The following MEG3 variants were observed in gnomAD, a reference collection of about 807,000 sequenced individuals.
MEG3 encodes the protein maternally expressed 3.
At chr14:100,835,036 A>C (rs1471885554) in exon 1 of MEG3, 3 of 350,288 alleles carry the variant, frequency 8.6e-6, no homozygotes, top group African/African-American at 4.3e-5. Context: ...CTGTGTCCCC[A>C]GGAGGGCGGG....
At chr14:100,858,642 C>G (rs116943482) in exon 1 of MEG3, 2 of 152,980 alleles carry the variant, frequency 1.3e-5, no homozygotes, top group Non-Finnish European at 2.9e-5. Flanking sequence ...TGAGCTTTAC[C>G]GTGAGGTCTG....
chr14:100,846,579 C>G (rs1034909701), intron 3 of MEG3: 2 of 152,208 alleles, frequency 1.3e-5, no homozygotes, highest in Non-Finnish European at 2.9e-5. Context: ...GGTTGTTTCA[C>G]TGGTATCTAT....
At chr14:100,836,267 C>T (rs1394795213) in exon 2 of MEG3, 2 of 456,500 alleles carry the variant, frequency 4.4e-6, no homozygotes, top group East Asian at 1.4e-4. Flanking sequence ...AAGTCTTCTT[C>T]CTGGCGGGCC....
exon 1 of MEG3, chr14:100,835,763 C>A (rs545901071): frequency 7.3e-4 from 130 of 178,246 alleles, no homozygotes; most frequent in Admixed American, 5.0e-3. Flanking sequence ...CGACAAGCCC[C>A]TGCTGGTGTC....
chr14:100,844,520 G>A (rs2037855557), intron 2 of MEG3, among the ~76,000 whole-genome samples: 1 of 152,178 alleles, frequency 6.6e-6, no homozygotes, highest in Non-Finnish European at 1.5e-5. Flanking sequence ...TGGTGGGAAA[G>A]TACAGAGAAT....
At chr14:100,859,626 G>C (rs1241801020) in exon 1 of MEG3, 1 of 152,150 alleles carries the variant, frequency 6.6e-6, no homozygotes, top group East Asian at 1.9e-4. Flanking sequence ...TGCCAGGTTC[G>C]GGACGCAGCT....
At chr14:100,850,504 G>C in intron 3 of MEG3, 1 of 152,036 alleles carries the variant, frequency 6.6e-6, no homozygotes, top group South Asian at 2.1e-4. Flanking sequence ...GAGGCTGAGA[G>C]AGGAGAATTG....
At position 100,838,627 on chromosome 14, in the gene MEG3, G is replaced by A. The variant is rs75926784; in HGVS notation, n.3045+2327G>A. ...CCACAGAGGACCCTGTCACATCAGC[G>A]GAGGGCGGTGAGGGGTCTCTGGCCA... is the stretch of plus-strand genomic sequence containing the variant. On this transcript the variant is annotated intron_variant and non_coding_transcript_variant, in intron 2 of 3. Transcript: ENST00000398461. 1.4e-3 allele frequency among the ~76,000 whole-genome samples: 217 copies of A among 152,266 alleles called. 2 individuals are homozygous for A. Among genetic ancestry groups the A allele is most frequent in the South Asian group, 5.8e-3 (28 of 4,814 alleles).
chr14:100,838,913 A>AC (rs776971138), intron 2 of MEG3, among the ~76,000 whole-genome samples: 3 of 152,024 alleles, frequency 2.0e-5, no homozygotes, highest in Non-Finnish European at 4.4e-5. Context: ...AGGGCCCCTG[A>AC]CCTCATGCCT....
At chr14:100,854,578 T>C (rs192019037), upstream of MEG3, 2 of 152,404 alleles carry the variant, frequency 1.3e-5, no homozygotes, top group African/African-American at 4.8e-5. Context: ...AGGCTGGACC[T>C]CCTGGGTGTG....
upstream of MEG3, chr14:100,853,287 A>G (rs2038142152): frequency 6.6e-6 from 1 of 152,152 alleles, no homozygotes; most frequent in African/African-American, 2.4e-5. Flanking sequence ...CAGGAGCTAC[A>G]ACTCTCCTTG....
In MEG3 at chr14:100,858,307, C is replaced by T. The variant is rs11624207; in HGVS notation, n.1063C>T. 632 of 153,024 alleles carry T rather than the reference C, an allele frequency of 4.1e-3. 5 individuals are homozygous for T. Among genetic ancestry groups the T allele is most frequent in the Non-Finnish European group, 7.2e-3 (493 of 68,218 alleles). 9.5% of individuals were successfully genotyped at this position (153,024 alleles called of 1,614,324 possible). ...GGACTCAGCTGCGTTAGAGGAGGTG[C>T]TGCTGCAGTGGCAGGGGTCTCCAGA... On this transcript the variant is annotated non_coding_transcript_exon_variant, in exon 1 of 2. Transcript: ENST00000398460.
chr14:100,858,020 C>G (rs1468750217), exon 1 of MEG3: 1 of 152,182 alleles, frequency 6.6e-6, no homozygotes, highest in African/African-American at 2.4e-5. Flanking sequence ...ACACACTTTC[C>G]CTTCTCTAAC....
At chr14:100,857,798 G>C (rs116907618) in exon 1 of MEG3, 5,200 of 152,276 alleles carry the variant, frequency 0.034, 213 homozygotes, top group Admixed American at 0.12. Context: ...AAACATTCAT[G>C]TATGCCCCTG....
chr14:100,853,588 T>G (rs2140001862), upstream of MEG3: 1 of 152,270 alleles, frequency 6.6e-6, no homozygotes, highest in Non-Finnish European at 1.5e-5. Context: ...ACTTTTTTTT[T>G]TTTGTATCCT....
upstream of MEG3, chr14:100,852,637 C>T (rs1022099646): frequency 3.1e-6 from 1 of 318,500 alleles, no homozygotes; most frequent in Non-Finnish European, 6.3e-6. Flanking sequence ...GGGTTCAGGG[C>T]AGAAGAAGAC....
In MEG3 at chr14:100,845,493, A is replaced by T. The variant is rs1280394014; in HGVS notation, n.3081A>T. The T allele has an allele frequency of 4.4e-6, 2 of 456,684 alleles. No homozygotes were observed. Among genetic ancestry groups the T allele is most frequent in the East Asian group, 1.4e-4 (2 of 14,360 alleles). The allele number at this position is 456,684 out of a possible 1,614,324, so 28.3% of individuals were successfully genotyped here. On this transcript the variant is annotated non_coding_transcript_exon_variant, in exon 3 of 4. Coordinates refer to the MEG3 transcript ENST00000398461. This position sits in a 1 kb window ranked among gnomAD's most constrained non-coding sequence, Gnocchi z 5.2. The stretch of plus-strand genomic sequence containing the variant: ...CACCTGGATGCCTACGTGGGAAGGG[A>T]CCTCGAATGTGGGACCCCAGCCCCT...
chr14:100,855,886 A>G (rs1270410665), upstream of MEG3: 1 of 152,204 alleles, frequency 6.6e-6, no homozygotes, highest in African/African-American at 2.4e-5. Flanking sequence ...CCCCTGTACA[A>G]CTAGGTTGAT....
chr14:100,844,909 T>C (rs149848281), intron 2 of MEG3, among the ~76,000 whole-genome samples: 1,988 of 152,344 alleles, frequency 0.013, 22 homozygotes, highest in Non-Finnish European at 0.021. Flanking sequence ...TCCCGGGGCC[T>C]ACTGCACTGT....
Sources: allele counts gnomAD v4.1 joint callset (sites outside exome capture counted in the v4.1 genomes callset), GRCh38; gene constraint gnomAD v4.1.1; non-coding constraint Gnocchi (gnomAD v3.1); transcripts MANE v1.5; gene names NCBI Gene and HGNC (gene_info 2026-07-23, HGNC 2026-07-21).